PCDH7: variants seen among roughly 807,000 people sequenced by gnomAD.
PCDH7 encodes the protein protocadherin 7.
In PCDH7, 17 loss-of-function variants were observed where a neutral mutation model predicts 58.9. The ratio of observed to expected loss-of-function variants is 0.29; its 90% confidence interval spans 0.20 to 0.43. The LOEUF (loss-of-function observed/expected upper bound fraction) is 0.43, where lower values mean the gene tolerates loss of function less well. Among genes scored for constraint, PCDH7 ranks in the 20% least tolerant of loss-of-function variants. The probability of loss-of-function intolerance (pLI) is 1.00; values close to 1 mark genes in which losing one functional copy is unlikely to be tolerated. For synonymous variants in PCDH7, 664 were observed against 616.4 expected (o/e 1.08, Z -1.14); for missense variants, 1,274 against 1,441.0 (o/e 0.88, Z 1.88).
At chr4:30,735,976 T>C (rs1042478110), downstream of PCDH7, among the ~76,000 whole-genome samples, 2 of 152,366 alleles carry the variant, frequency 1.3e-5, no homozygotes, top group Admixed American at 1.3e-4. Context: ...CCATTCATTT[T>C]CTGCTCTCAT....
chr4:31,112,993 T>C (rs999332417), intron 3 of PCDH7, among the ~76,000 whole-genome samples: 5 of 152,186 alleles, frequency 3.3e-5, no homozygotes, highest in Admixed American at 6.5e-5. Context: ...TGAAAGCTGA[T>C]TCATTTTTTT....
intron 3 of PCDH7, among the ~76,000 whole-genome samples, chr4:30,962,776 TAAAAAAAAAAAAAAA>T (rs57257786): frequency 1.4e-5 from 1 of 70,610 alleles, no homozygotes; most frequent in African/African-American, 5.3e-5. Context: ...GACCCAGTCT[TAAAAAAAAAAAAAAA>T]AAAAAAAAAA....
chr4:31,142,918 A>C, exon 4 of PCDH7: 1 of 1,171,878 alleles, frequency 8.5e-7, no homozygotes, highest in Non-Finnish European at 1.1e-6. Context: ...AAACCTTACA[A>C]AGCAAAACGT....
intron 1 of PCDH7, among the ~76,000 whole-genome samples, chr4:30,850,988 G>C (rs531204970): frequency 8.5e-5 from 13 of 152,100 alleles, no homozygotes; most frequent in Admixed American, 6.6e-4. Flanking sequence ...CAGACTGCTG[G>C]AGATATTAAA....
At chr4:30,769,162 A>T (rs1443078167) in intron 1 of PCDH7, among the ~76,000 whole-genome samples, 1 of 151,480 alleles carries the variant, frequency 6.6e-6, no homozygotes, top group African/African-American at 2.4e-5. Context: ...AGATGAGTTG[A>T]GTCGTGAGTT....
intron 1 of PCDH7, among the ~76,000 whole-genome samples, chr4:30,748,828 A>G (rs1336863506): frequency 1.3e-5 from 2 of 152,168 alleles, no homozygotes; most frequent in Admixed American, 1.3e-4. Context: ...TCAACAGAAG[A>G]TAATGTCTTT....
chr4:30,738,546 G>C (rs1273993306), intron 1 of PCDH7, among the ~76,000 whole-genome samples: 1 of 152,112 alleles, frequency 6.6e-6, no homozygotes, highest in Non-Finnish European at 1.5e-5. Flanking sequence ...GCAATGTTAA[G>C]CTTTCATGGA....
At chr4:31,059,719 T>C (rs564224282) in intron 3 of PCDH7, among the ~76,000 whole-genome samples, 5 of 152,020 alleles carry the variant, frequency 3.3e-5, no homozygotes, top group African/African-American at 9.6e-5. Context: ...TTCTATTCTG[T>C]GTTTCTAATA....
chr4:30,757,763 G>T (rs1719504820), intron 1 of PCDH7, among the ~76,000 whole-genome samples: 1 of 152,050 alleles, frequency 6.6e-6, no homozygotes, highest in Non-Finnish European at 1.5e-5. Flanking sequence ...GCAATTATGT[G>T]ACCTTTTCAA....
intron 3 of PCDH7, among the ~76,000 whole-genome samples, chr4:31,103,729 C>A (rs1417528154): frequency 6.6e-6 from 1 of 152,134 alleles, no homozygotes; most frequent in African/African-American, 2.4e-5. Flanking sequence ...TTATCTATTC[C>A]ATTCCCCTCT....
At chr4:30,742,240 T>C (rs1433969512) in intron 1 of PCDH7, among the ~76,000 whole-genome samples, 1 of 152,128 alleles carries the variant, frequency 6.6e-6, no homozygotes, top group Non-Finnish European at 1.5e-5. Flanking sequence ...TAGTGGCAAA[T>C]AATCATGTAA....
chr4:31,009,246 C>T (rs146195016), intron 3 of PCDH7, among the ~76,000 whole-genome samples: 57 of 152,112 alleles, frequency 3.7e-4, no homozygotes, highest in African/African-American at 7.5e-4. Context: ...ATTAGCAGGA[C>T]AGTATTTCTT....
intron 1 of PCDH7, among the ~76,000 whole-genome samples, chr4:30,879,074 A>G (rs1368298568): frequency 6.6e-6 from 1 of 151,898 alleles, no homozygotes; most frequent in Admixed American, 6.6e-5. Context: ...AGTGAAGCAA[A>G]GGTAAAGCCA....
intron 3 of PCDH7, among the ~76,000 whole-genome samples, chr4:31,058,488 T>C (rs546469979): frequency 1.3e-5 from 2 of 152,170 alleles, no homozygotes; most frequent in East Asian, 3.9e-4. Flanking sequence ...CTTAAGATCA[T>C]TTTAGTTAGG....
intron 3 of PCDH7, among the ~76,000 whole-genome samples, chr4:31,069,002 A>G (rs994855011): frequency 1.3e-5 from 2 of 151,958 alleles, no homozygotes; most frequent in Non-Finnish European, 2.9e-5. Flanking sequence ...AGGGTAACAG[A>G]AAAGATGACT....
At chr4:31,056,451 AAAGAAAG>A (rs1288923806) in intron 3 of PCDH7, among the ~76,000 whole-genome samples, 661 of 33,440 alleles carry the variant, frequency 0.02, 12 homozygotes, top group African/African-American at 0.14. Context: ...GGAAAGAAAG[AAAGAAAG>A]AAGAAAGAAA....
chr4:30,759,515 A>C (rs1038561515), intron 1 of PCDH7, among the ~76,000 whole-genome samples: 1 of 152,188 alleles, frequency 6.6e-6, no homozygotes, highest in African/African-American at 2.4e-5. Flanking sequence ...CAAGAGAAAG[A>C]TAAAGTTCAT....
chr4:30,725,395 G>A (rs1577544877), intron 1 of PCDH7: 3 of 474,894 alleles, frequency 6.3e-6, no homozygotes, highest in South Asian at 1.8e-4. Flanking sequence ...GACTATTTTG[G>A]TATGCATTAT....
intron 3 of PCDH7, among the ~76,000 whole-genome samples, chr4:30,985,638 T>A (rs1230053387): frequency 6.6e-6 from 1 of 152,186 alleles, no homozygotes; most frequent in East Asian, 1.9e-4. Flanking sequence ...AATGAAAAAA[T>A]TTGTATGAAG....
Sources: allele counts gnomAD v4.1 joint callset (sites outside exome capture counted in the v4.1 genomes callset), GRCh38; gene constraint gnomAD v4.1.1; transcripts MANE v1.5; gene names NCBI Gene and HGNC (gene_info 2026-07-23, HGNC 2026-07-21).